Variants in NEK4 observed in about 807,000 individuals in gnomAD.
NEK4 encodes the protein serine/threonine-protein kinase Nek4.
Under a neutral mutation model 98.4 loss-of-function variants are expected in NEK4, and 86 were observed. The ratio of observed to expected loss-of-function variants is 0.87; its 90% CI spans 0.73 to 1.05. NEK4 has a LOEUF of 1.05. NEK4 is among the 50% of genes least tolerant of loss of function. The pLI, the probability that NEK4 is intolerant of heterozygous loss-of-function variation, is 0.00. For synonymous variants in NEK4, 328 were observed against 342.2 expected (o/e 0.96, Z 0.46); for missense variants, 898 against 950.3 (o/e 0.94, Z 0.72).
intron 13 of NEK4, 79 bp from the exon 14 acceptor site, chr3:52,739,713 C>A: frequency 8.1e-7 from 1 of 1,240,996 alleles, no homozygotes; most frequent in South Asian, 1.3e-5. Flanking sequence ...GCAAAACGAC[C>A]TTTCGGGAAT....
chr3:52,752,396 C>T (rs1161171756), intron 6 of NEK4, 60 bp from the exon 7 acceptor site: 2 of 1,495,006 alleles, frequency 1.3e-6, no homozygotes, highest in East Asian at 2.3e-5. Context: ...ACAAAATCAA[C>T]TCAAAATGCA....
intron 6 of NEK4, among the ~76,000 whole-genome samples, chr3:52,753,302 CAGAAA>C (rs2097408858): frequency 6.6e-6 from 1 of 152,056 alleles, no homozygotes; most frequent in Non-Finnish European, 1.5e-5. Context: ...GATCCTGTCT[CAGAAA>C]AGAAAAGAAG....
In NEK4 at chr3:52,768,606, T is replaced by C; in HGVS notation, c.94-2A>G. 1.9e-6 allele frequency: 3 copies of C among 1,612,842 alleles called. No homozygotes were observed. The highest frequency in any genetic ancestry group is 2.5e-6 in the Non-Finnish European group (3 of 1,179,004). On this transcript the variant is annotated splice_acceptor_variant, in intron 1 of 15. Transcript: ENST00000233027. LOFTEE classifies it high-confidence loss of function. ...GAGGTTCAGTTTTTTGATGACATAC[T>C]AAAAACAAACCATGTATTTTTACAA...
chr3:52,770,774 T>TGCGGCGGCA lies in NEK4; in HGVS notation c.-37_-29dup. ...TCCCAGCGCTGGCCCAGAGTCGGGA[T>TGCGGCGGCA]GCGGCGGCAGCGGCGGGTAGGGCAG... On this transcript the variant is annotated 5_prime_UTR_variant, in exon 1 of 16. Transcript: ENST00000233027. 6.5e-7 allele frequency: 1 copy of TGCGGCGGCA among 1,543,664 alleles called. No homozygotes were observed. Among genetic ancestry groups the TGCGGCGGCA allele is most frequent in the African/African-American group, 1.4e-5 (1 of 72,988 alleles).
intron 6 of NEK4, among the ~76,000 whole-genome samples, chr3:52,754,901 G>A (rs185517222): frequency 9.2e-5 from 14 of 151,920 alleles, no homozygotes; most frequent in African/African-American, 3.1e-4. Context: ...GTGAAACCCC[G>A]TCTCTACTAA....
At chr3:52,715,680 C>T (rs1487196597) in intron 15 of NEK4, among the ~76,000 whole-genome samples, 3 of 152,168 alleles carry the variant, frequency 2.0e-5, no homozygotes, top group Non-Finnish European at 4.4e-5. Context: ...TGAGCTACCA[C>T]GTCCAGCCTG....
At chr3:52,765,365 C>CA (rs1022765705) in intron 4 of NEK4, among the ~76,000 whole-genome samples, 88 of 134,120 alleles carry the variant, frequency 6.6e-4, no homozygotes, top group Admixed American at 2.2e-3. Flanking sequence ...AAAAAAAAAA[C>CA]AAAAAAAAAA....
chr3:52,722,502 C>T (rs1478901083), intron 15 of NEK4, among the ~76,000 whole-genome samples: 2 of 151,660 alleles, frequency 1.3e-5, no homozygotes, highest in Non-Finnish European at 2.9e-5. Context: ...AGTTTGAAAA[C>T]AAAAACAAAA....
intron 4 of NEK4, among the ~76,000 whole-genome samples, chr3:52,765,122 G>C (rs113474502): frequency 6.6e-6 from 1 of 151,906 alleles, no homozygotes; most frequent in Non-Finnish European, 1.5e-5. Context: ...AGGCTGAGGC[G>C]GGCGGATCAC....
chr3:52,767,882 G>A (rs1698635076), intron 2 of NEK4, among the ~76,000 whole-genome samples: 1 of 152,148 alleles, frequency 6.6e-6, no homozygotes, highest in African/African-American at 2.4e-5. Context: ...TCCATCTTAA[G>A]GAATGATGTG....
At chr3:52,741,330 T>G in intron 13 of NEK4, 81 bp downstream of exon 13, 1 of 820,548 alleles carries the variant, frequency 1.2e-6, no homozygotes, top group South Asian at 1.5e-5. Flanking sequence ...ACTAGAGATC[T>G]AAATACTACT....
At chr3:52,718,895 T>A (rs1055114409) in intron 15 of NEK4, among the ~76,000 whole-genome samples, 3 of 152,160 alleles carry the variant, frequency 2.0e-5, no homozygotes, top group Non-Finnish European at 4.4e-5. Flanking sequence ...GTAGCTGGGA[T>A]AATAGGCATG....
At chr3:52,764,952 A>G (rs2154106844) in intron 4 of NEK4, among the ~76,000 whole-genome samples, 1 of 152,340 alleles carries the variant, frequency 6.6e-6, no homozygotes, top group African/African-American at 2.4e-5. Flanking sequence ...GCATTATGGG[A>G]AAATTTTACT....
Position 52,751,919 on chromosome 3 carries a change from G to A in NEK4, c.1368+13C>T. The A allele has an allele frequency of 6.2e-7, 1 of 1,608,464 alleles. No homozygotes were observed. The highest frequency in any genetic ancestry group is 1.3e-5 in the African/African-American group (1 of 74,818). On this transcript the variant is annotated intron_variant, in intron 7 of 15. Coordinates refer to ENST00000233027, the MANE Select transcript of NEK4 (RefSeq NM_003157.6). The stretch of plus-strand genomic sequence containing the variant: ...TCTCCAAAACCAGTATCTCATGTGT[G>A]CATATCACTCACCTGGTCCTTTGGC...
chr3:52,716,198 T>C (rs543813824), intron 15 of NEK4, among the ~76,000 whole-genome samples: 18 of 152,254 alleles, frequency 1.2e-4, no homozygotes, highest in Non-Finnish European at 2.5e-4. Context: ...GTTGGTAATA[T>C]AGTGCAATGC....
At chr3:52,767,622 G>A (rs1469119653) in intron 2 of NEK4, among the ~76,000 whole-genome samples, 1 of 151,972 alleles carries the variant, frequency 6.6e-6, no homozygotes, top group African/African-American at 2.4e-5. Flanking sequence ...GGAGGCTGAG[G>A]CAGGAGAATC....
chr3:52,722,645 G>A (rs1229075724), intron 15 of NEK4, among the ~76,000 whole-genome samples: 2 of 152,196 alleles, frequency 1.3e-5, no homozygotes, highest in South Asian at 2.1e-4. Flanking sequence ...ACTCACGCCT[G>A]TAATTACAGG....
At chr3:52,719,637 C>T (rs971504611) in intron 15 of NEK4, among the ~76,000 whole-genome samples, 5 of 146,696 alleles carry the variant, frequency 3.4e-5, no homozygotes, top group Non-Finnish European at 7.5e-5. Flanking sequence ...TAAATATGTT[C>T]AAAGAACAAA....
At chr3:52,737,759 T>C in intron 14 of NEK4, 40 bp from the exon 15 acceptor site, 1 of 1,517,130 alleles carries the variant, frequency 6.6e-7, no homozygotes, top group Non-Finnish European at 9.0e-7. Context: ...AAATAAACAC[T>C]TTTACCACTA....
Sources: gnomAD v4.1 joint callset for allele counts (sites outside exome capture counted in the v4.1 genomes callset) on GRCh38, gnomAD v4.1.1 for gene constraint, MANE v1.5 for transcripts, NCBI Gene and HGNC (gene_info 2026-07-23, HGNC 2026-07-21) for gene names.